Variants in CACHD1 observed in about 807,000 individuals in gnomAD.
The protein encoded by CACHD1 is VWFA and cache domain-containing protein 1.
CACHD1 carries 71 observed loss-of-function variants against 138.7 expected under a neutral mutation model. The ratio of observed to expected loss-of-function variants is 0.51; its 90% CI spans 0.42 to 0.62. The LOEUF (loss-of-function observed/expected upper bound fraction) is 0.62. Among genes scored for constraint, CACHD1 ranks in the 20% least tolerant of loss-of-function variants. The pLI, the probability that CACHD1 is intolerant of heterozygous loss-of-function variation, is 0.00. For missense variants in CACHD1, 1,389 were observed against 1,625.3 expected (o/e 0.85, Z 2.50); for synonymous variants, 578 against 591.5 (o/e 0.98, Z 0.33).
chr1:64,589,736 C>T (rs948800483), intron 3 of CACHD1, among the ~76,000 whole-genome samples: 1 of 152,060 alleles, frequency 6.6e-6, no homozygotes, highest in Non-Finnish European at 1.5e-5. Context: ...TTACTCATCA[C>T]CTATTATTTA....
rs373739292 is a variant in CACHD1 at position 64,545,019 on chromosome 1, G to A, written c.199-5575G>A. ...GAATTGCTAGGTGACTCTTCAGTTAGCATAGCCCCAGTTTTATCTGGATTA... is the reference window on the plus strand; with the variant it reads ...GAATTGCTAGGTGACTCTTCAGTTAACATAGCCCCAGTTTTATCTGGATTA... On this transcript the variant is annotated intron_variant, in intron 1 of 26. Coordinates refer to ENST00000651257, the MANE Select transcript of CACHD1 (RefSeq NM_020925.4). 6.6e-5 allele frequency among the ~76,000 whole-genome samples: 10 copies of A among 152,258 alleles called. No homozygotes were observed. The East Asian group carries it at 1.4e-3, about 21-fold the overall frequency.
At chr1:64,538,895 A>T (rs1259241342) in intron 1 of CACHD1, among the ~76,000 whole-genome samples, 1 of 152,166 alleles carries the variant, frequency 6.6e-6, no homozygotes, top group Non-Finnish European at 1.5e-5. Flanking sequence ...AAACCCCAAC[A>T]GTTGTTTTCC....
chr1:64,624,959 G>C (rs1435784417), intron 4 of CACHD1, among the ~76,000 whole-genome samples: 1 of 152,136 alleles, frequency 6.6e-6, no homozygotes, highest in African/African-American at 2.4e-5. Flanking sequence ...AAATAAACTT[G>C]TATTGGCACA....
chr1:64,664,698 C>T lies in CACHD1; in HGVS notation c.2276+19C>T, dbSNP rs370622869. On this transcript the variant is annotated intron_variant, in intron 15 of 26. Transcript: ENST00000651257. ...GACAATGGTGAGTTTTAGGGGCTTC[C>T]GTTATCAAAGGTTCTCCCCCAAATC... is the stretch of plus-strand genomic sequence containing the variant. The T allele has an allele frequency of 2.1e-5, 33 of 1,608,316 alleles. No homozygotes were observed. In the African/African-American group the frequency reaches 2.3e-4, roughly 11 times the overall value.
rs1211449779 is a variant in CACHD1 at position 64,648,017 on chromosome 1, CTGA to C, written c.1377_1379del (p.Asp459del). ...GAAGCCGTCTTCAGCCTGCCCTTCTCTGATGAGATGGGAGATGGTGAGTTTGGA... is the reference window on the plus strand; with the variant it reads ...GAAGCCGTCTTCAGCCTGCCCTTCTCTGAGATGGGAGATGGTGAGTTTGGA... On this transcript the variant is annotated inframe_deletion, in exon 9 of 27. Coordinates refer to ENST00000651257, the MANE Select transcript of CACHD1 (RefSeq NM_020925.4). The C allele has an allele frequency of 6.2e-7, 1 of 1,612,948 alleles. No homozygotes were observed. Among genetic ancestry groups the C allele is most frequent in the Non-Finnish European group, 8.5e-7 (1 of 1,179,468 alleles).
At chr1:64,652,131 C>T (rs1460944563) in intron 9 of CACHD1, 30 bp from the exon 10 acceptor site, 1 of 1,577,260 alleles carries the variant, frequency 6.3e-7, no homozygotes, top group African/African-American at 1.4e-5. Context: ...CTCTGCTGGT[C>T]TTTAGATTTA....
intron 3 of CACHD1, among the ~76,000 whole-genome samples, chr1:64,591,209 C>T (rs1307755306): frequency 1.3e-5 from 2 of 151,984 alleles, no homozygotes; most frequent in South Asian, 2.1e-4. Flanking sequence ...CTCATCCATT[C>T]GTTTGAAAAA....
intron 3 of CACHD1, 66 bp downstream of exon 3, chr1:64,582,370 A>G: frequency 7.4e-7 from 1 of 1,360,238 alleles, no homozygotes; most frequent in Non-Finnish European, 1.0e-6. Context: ...ATTTCATTTC[A>G]TATTCAAAAT....
At position 64,679,743 on chromosome 1, in the gene CACHD1, T is replaced by C; in HGVS notation, c.3393T>C (p.Pro1131=). The C allele has an allele frequency of 4.3e-6, 7 of 1,613,784 alleles. No homozygotes were observed. The highest frequency in any genetic ancestry group is 4.0e-5 in the African/African-American group (3 of 75,036). ...IHRRSHQHMS[P]LAAQEMSVRM... ...GCCGGAGCCATCAGCATATGTCTCC[T>C]CTTGCTGCCCAAGGTGAGCTCAAAA... The change falls in exon 24 of 27, where the codon CCT becomes CCC. Residue 1131 remains proline (P), a synonymous_variant. Transcript: ENST00000651257.
At chr1:64,606,257 G>A (rs886297062) in intron 4 of CACHD1, among the ~76,000 whole-genome samples, 2 of 152,108 alleles carry the variant, frequency 1.3e-5, no homozygotes, top group Admixed American at 6.6e-5. Context: ...TAGGGAATAC[G>A]GTTGGCTGTC....
intron 26 of CACHD1, among the ~76,000 whole-genome samples, chr1:64,685,346 G>C (rs1650332874): frequency 6.6e-6 from 1 of 152,130 alleles, no homozygotes; most frequent in Non-Finnish European, 1.5e-5. Context: ...AGTACACTCT[G>C]TGACATTTGT....
At chr1:64,586,332 G>A (rs908760294) in intron 3 of CACHD1, among the ~76,000 whole-genome samples, 2 of 152,160 alleles carry the variant, frequency 1.3e-5, no homozygotes, top group Non-Finnish European at 2.9e-5. Flanking sequence ...CCAAAGTGCT[G>A]GAATTACAGG....
At chr1:64,653,492 A>G (rs1376737752) in intron 10 of CACHD1, among the ~76,000 whole-genome samples, 1 of 152,068 alleles carries the variant, frequency 6.6e-6, no homozygotes, top group Admixed American at 6.6e-5. Flanking sequence ...GTAGATTAGA[A>G]TGTTTTATAA....
intron 4 of CACHD1, among the ~76,000 whole-genome samples, chr1:64,609,326 C>CA (rs1358075373): frequency 6.6e-6 from 1 of 152,010 alleles, no homozygotes; most frequent in East Asian, 1.9e-4. Flanking sequence ...TTTTTATGCC[C>CA]AATTGCTTCA....
chr1:64,613,839 A>T (rs1647612893), intron 4 of CACHD1, among the ~76,000 whole-genome samples: 2 of 152,134 alleles, frequency 1.3e-5, no homozygotes, highest in African/African-American at 2.4e-5. Flanking sequence ...CCAGCTTCCC[A>T]GCTCCTGCCA....
In CACHD1 at chr1:64,514,453, A is replaced by C. The variant is rs1176231234; in HGVS notation, c.199-36141A>C. On this transcript the variant is annotated intron_variant, in intron 1 of 26. Coordinates refer to ENST00000651257, the MANE Select transcript of CACHD1 (RefSeq NM_020925.4). ...CTTGACTGTGAGTTTTCTTTTTTGTAGCTCGATATAAAAGTCTTCTAGCTT... is the reference window on the plus strand; with the variant it reads ...CTTGACTGTGAGTTTTCTTTTTTGTCGCTCGATATAAAAGTCTTCTAGCTT... Among the ~76,000 whole-genome samples, 5 of 152,174 alleles carry C rather than the reference A, an allele frequency of 3.3e-5. No individual in the cohort carries two copies. In the East Asian group the frequency reaches 7.7e-4, roughly 23 times the overall value.
intron 3 of CACHD1, among the ~76,000 whole-genome samples, chr1:64,584,702 C>T (rs986356527): frequency 7.2e-5 from 11 of 152,126 alleles, no homozygotes; most frequent in African/African-American, 2.7e-4. Context: ...GCAGGAATTA[C>T]ACCTCATCTT....
At chr1:64,681,192 G>T in intron 24 of CACHD1, 66 bp from the exon 25 acceptor site, 1 of 1,192,110 alleles carries the variant, frequency 8.4e-7, no homozygotes, top group Non-Finnish European at 1.2e-6. Context: ...GTGCTCAGCA[G>T]GGTATTAAAG....
At chr1:64,659,866 G>A (rs1649386008) in intron 13 of CACHD1, among the ~76,000 whole-genome samples, 2 of 152,228 alleles carry the variant, frequency 1.3e-5, no homozygotes, top group South Asian at 2.1e-4. Context: ...CTAGAAGTCT[G>A]CAGTCTCTAG....
Sources: allele counts gnomAD v4.1 joint callset (sites outside exome capture counted in the v4.1 genomes callset), GRCh38; gene constraint gnomAD v4.1.1; transcripts MANE v1.5; gene names NCBI Gene and HGNC (gene_info 2026-07-23, HGNC 2026-07-21).